PCDH15: variants seen among roughly 807,000 people sequenced by gnomAD.
PCDH15 encodes the protein protocadherin related 15.
Under a neutral mutation model 178.5 loss-of-function variants are expected in PCDH15, and 129 were observed. The ratio of observed to expected loss-of-function variants is 0.72; its 90% CI spans 0.63 to 0.84. PCDH15 has a LOEUF of 0.84. Among genes scored for constraint, PCDH15 ranks in the 40% least tolerant of loss-of-function variants. The pLI is 0.00. For missense variants in PCDH15, 2,230 were observed against 2,099.9 expected, an observed-to-expected ratio of 1.06 and a Z score of -1.21; for synonymous variants, 800 against 732.0, an observed-to-expected ratio of 1.09 and a Z score of -1.50.
chr10:55,276,185 CT>C (rs1233700672), intron 1 of PCDH15, among the ~76,000 whole-genome samples: 8 of 150,296 alleles, frequency 5.3e-5, no homozygotes, highest in Non-Finnish European at 1.5e-5. Context: ...AAAAACGTAA[CT>C]TTTTTCTTAA....
intron 3 of PCDH15, among the ~76,000 whole-genome samples, chr10:54,499,639 C>A (rs1187599821): frequency 6.6e-6 from 1 of 151,838 alleles, no homozygotes; most frequent in Non-Finnish European, 1.5e-5. Flanking sequence ...AACAAAGATA[C>A]AATATGCCAG....
intron 2 of PCDH15, among the ~76,000 whole-genome samples, chr10:55,154,039 C>G (rs991953602): frequency 1.3e-5 from 2 of 152,070 alleles, no homozygotes; most frequent in Non-Finnish European, 2.9e-5. Flanking sequence ...TTACCATGTA[C>G]ACGTTCATTA....
At chr10:54,860,748 C>G (rs1478803058) in intron 3 of PCDH15, among the ~76,000 whole-genome samples, 1 of 152,092 alleles carries the variant, frequency 6.6e-6, no homozygotes, top group Admixed American at 6.6e-5. Flanking sequence ...AATGGCTGAA[C>G]TAATTTTTAT....
intron 3 of PCDH15, among the ~76,000 whole-genome samples, chr10:54,506,798 A>G (rs1164811444): frequency 6.6e-6 from 1 of 152,086 alleles, no homozygotes; most frequent in Non-Finnish European, 1.5e-5. Flanking sequence ...AGACAAAAAA[A>G]TGAAAGAAGA....
chr10:55,266,669 G>A (rs952137620), intron 1 of PCDH15, among the ~76,000 whole-genome samples: 16 of 152,144 alleles, frequency 1.1e-4, no homozygotes, highest in African/African-American at 2.7e-4. Flanking sequence ...AAGAACACGC[G>A]AGTGGTTGAA....
intron 2 of PCDH15, among the ~76,000 whole-genome samples, chr10:54,534,001 A>C (rs2084215957): frequency 6.6e-6 from 1 of 152,136 alleles, no homozygotes; most frequent in Non-Finnish European, 1.5e-5. Context: ...GTATTTCATT[A>C]ATGGGGATAA....
rs117166515 is a variant in PCDH15, at chr10:54,714,275, A to G, written c.-28-49985T>C. ...ATCACTGGTGTCTCTAAACAGCTCC[A>G]CCAGTCGCAACTAAAAGTTAGCCTT... On this transcript the variant is annotated intron_variant, in intron 1 of 37. Coordinates refer to ENST00000644397, the MANE Select transcript of PCDH15 (RefSeq NM_001384140.1). Among the ~76,000 whole-genome samples, 376 of 152,252 alleles carry G rather than the reference A, an allele frequency of 2.5e-3. 1 individual carries two copies. Among genetic ancestry groups the G allele is most frequent in the Admixed American group, 5.0e-3 (76 of 15,262 alleles).
chr10:55,570,841 C>G (rs912555845), intron 2 of PCDH15, among the ~76,000 whole-genome samples: 1 of 152,046 alleles, frequency 6.6e-6, no homozygotes, highest in African/African-American at 2.4e-5. Flanking sequence ...AGCTGTTATA[C>G]ACTATTTCTT....
chr10:54,618,891 T>C (rs1456417527), intron 2 of PCDH15, among the ~76,000 whole-genome samples: 1 of 151,748 alleles, frequency 6.6e-6, no homozygotes, highest in Non-Finnish European at 1.5e-5. Context: ...TGTTATTCCA[T>C]ATGGAAAAAA....
At chr10:55,537,056 G>C (rs1217345203) in intron 2 of PCDH15, among the ~76,000 whole-genome samples, 1 of 151,636 alleles carries the variant, frequency 6.6e-6, no homozygotes, top group African/African-American at 2.4e-5. Flanking sequence ...CTTTTTGATA[G>C]CACAGAATTT....
At chr10:54,764,175 A>G (rs538996944) in intron 1 of PCDH15, among the ~76,000 whole-genome samples, 25 of 152,182 alleles carry the variant, frequency 1.6e-4, no homozygotes, top group Non-Finnish European at 2.8e-4. Flanking sequence ...GCTTTATTCC[A>G]GGCACAAACT....
chr10:54,575,377 T>C (rs1294720134), intron 2 of PCDH15: 2 of 153,336 alleles, frequency 1.3e-5, no homozygotes, highest in African/African-American at 4.8e-5. Flanking sequence ...TAAAATCTCA[T>C]TATAACTAAT....
intron 2 of PCDH15, among the ~76,000 whole-genome samples, chr10:54,973,702 T>C (rs1225859119): frequency 6.6e-6 from 1 of 152,058 alleles, no homozygotes; most frequent in East Asian, 1.9e-4. Flanking sequence ...GTGAAGAAAA[T>C]GTAAGGCTTA....
At chr10:53,916,025 T>A (rs1034153558) in intron 25 of PCDH15, among the ~76,000 whole-genome samples, 2 of 152,206 alleles carry the variant, frequency 1.3e-5, no homozygotes, top group Non-Finnish European at 1.5e-5. Context: ...ATGGCCATAG[T>A]ATTTGCATAT....
intron 26 of PCDH15, among the ~76,000 whole-genome samples, chr10:53,893,301 A>G (rs979135254): frequency 2.0e-5 from 3 of 152,238 alleles, no homozygotes; most frequent in African/African-American, 7.2e-5. Context: ...GCAAGAAGTG[A>G]AACCCACAGG....
At chr10:53,991,954 C>G (rs377098019) in intron 21 of PCDH15, among the ~76,000 whole-genome samples, 10 of 152,100 alleles carry the variant, frequency 6.6e-5, no homozygotes, top group African/African-American at 1.9e-4. Flanking sequence ...AGCCGCAACC[C>G]GCTCGGGTCC....
chr10:54,917,901 T>C (rs997553268), intron 2 of PCDH15, among the ~76,000 whole-genome samples: 1 of 152,180 alleles, frequency 6.6e-6, no homozygotes, highest in Non-Finnish European at 1.5e-5. Flanking sequence ...AGGATATCAA[T>C]ACTAATTATC....
At chr10:53,897,244 G>T (rs2082013786) in intron 26 of PCDH15, among the ~76,000 whole-genome samples, 1 of 152,044 alleles carries the variant, frequency 6.6e-6, no homozygotes, top group Admixed American at 6.5e-5. Flanking sequence ...TTCCCACAAT[G>T]CACATCACTC....
chr10:54,244,293 T>C (rs2055702284), intron 8 of PCDH15, among the ~76,000 whole-genome samples: 1 of 152,190 alleles, frequency 6.6e-6, no homozygotes, highest in South Asian at 2.1e-4. Context: ...TTACTGATAC[T>C]TCCCTTATTT....
Sources: gnomAD v4.1 joint callset for allele counts (sites outside exome capture counted in the v4.1 genomes callset) on GRCh38, gnomAD v4.1.1 for gene constraint, MANE v1.5 for transcripts, NCBI Gene and HGNC (gene_info 2026-07-23, HGNC 2026-07-21) for gene names.